DOCK1: variants seen among roughly 807,000 people sequenced by gnomAD.
The protein encoded by DOCK1 is dedicator of cytokinesis protein 1.
Under a neutral mutation model 262.7 loss-of-function variants are expected in DOCK1, and 138 were observed. That is an observed-to-expected ratio of 0.53 (90% CI 0.46 to 0.61). DOCK1 has a LOEUF of 0.61. DOCK1 is among the 20% of genes least tolerant of loss of function. The probability of loss-of-function intolerance (pLI) is 0.00; values close to 1 mark genes in which losing one functional copy is unlikely to be tolerated. For synonymous variants in DOCK1, 866 were observed against 867.4 expected, an observed-to-expected ratio of 1.00 and a Z score of 0.03; for missense variants, 1,908 against 2,370.7, an observed-to-expected ratio of 0.80 and a Z score of 4.05.
chr10:127,392,817 C>A (rs2066566537), intron 38 of DOCK1, among the ~76,000 whole-genome samples: 1 of 152,158 alleles, frequency 6.6e-6, no homozygotes, highest in Non-Finnish European at 1.5e-5. Context: ...TGGGTTTTGT[C>A]AGTGTGCTCC....
At chr10:127,134,641 A>G (rs962176251) in intron 27 of DOCK1, among the ~76,000 whole-genome samples, 1 of 152,108 alleles carries the variant, frequency 6.6e-6, no homozygotes, top group Admixed American at 6.5e-5. Flanking sequence ...CTCAGAAATG[A>G]TTATAGAATG....
At chr10:127,219,343 G>A (rs1472141691) in intron 27 of DOCK1, among the ~76,000 whole-genome samples, 1 of 152,118 alleles carries the variant, frequency 6.6e-6, no homozygotes, top group African/African-American at 2.4e-5. Flanking sequence ...CTATTTCTGA[G>A]TTACTTAGCT....
At chr10:127,006,176 T>G (rs1345989846) in intron 10 of DOCK1, among the ~76,000 whole-genome samples, 1 of 152,176 alleles carries the variant, frequency 6.6e-6, no homozygotes, top group Non-Finnish European at 1.5e-5. Flanking sequence ...GGGGTCCATC[T>G]GCCGTGAGCA....
At chr10:127,029,008 C>T (rs1212694744) in intron 16 of DOCK1, among the ~76,000 whole-genome samples, 2 of 152,216 alleles carry the variant, frequency 1.3e-5, no homozygotes, top group African/African-American at 4.8e-5. Flanking sequence ...TTAACAAGCT[C>T]ATTCTCTCTA....
At chr10:127,166,236 T>G (rs2054072583) in intron 27 of DOCK1, among the ~76,000 whole-genome samples, 1 of 152,098 alleles carries the variant, frequency 6.6e-6, no homozygotes, top group South Asian at 2.1e-4. Flanking sequence ...CAGCTAATTT[T>G]TTTTATTTTT....
intron 23 of DOCK1, among the ~76,000 whole-genome samples, chr10:127,076,574 A>C (rs2046568423): frequency 6.6e-6 from 1 of 152,332 alleles, no homozygotes; most frequent in Admixed American, 6.5e-5. Context: ...TTGGAATTCA[A>C]GGTGAAAGGC....
At chr10:126,940,612 C>T (rs1424725675) in intron 1 of DOCK1, among the ~76,000 whole-genome samples, 3 of 152,102 alleles carry the variant, frequency 2.0e-5, no homozygotes, top group African/African-American at 7.2e-5. Context: ...CCATGTTGGC[C>T]AGGCTAGTCT....
chr10:127,285,784 CCA>C (rs1252930862), intron 29 of DOCK1, among the ~76,000 whole-genome samples: 5 of 152,206 alleles, frequency 3.3e-5, no homozygotes, highest in Non-Finnish European at 7.3e-5. Flanking sequence ...GAGTGTGCTT[CCA>C]CAGTCTAACC....
At chr10:127,102,350 C>G (rs989649176) in intron 23 of DOCK1, among the ~76,000 whole-genome samples, 2 of 152,142 alleles carry the variant, frequency 1.3e-5, no homozygotes, top group African/African-American at 4.8e-5. Flanking sequence ...CCATAGAGCC[C>G]AGCACCTAGA....
intron 48 of DOCK1, 67 bp downstream of exon 48, chr10:127,433,495 C>T: frequency 6.5e-7 from 1 of 1,541,148 alleles, no homozygotes. Context: ...AGGAGCCACC[C>T]AGGGCTCTGG....
chr10:127,309,137 C>T (rs115169773), intron 29 of DOCK1, among the ~76,000 whole-genome samples: 4,381 of 152,210 alleles, frequency 0.029, 204 homozygotes, highest in African/African-American at 0.1. Flanking sequence ...TTCTGACTGG[C>T]GTGAGATGCT....
chr10:127,101,465 G>A (rs771502438), intron 23 of DOCK1, among the ~76,000 whole-genome samples: 1 of 152,144 alleles, frequency 6.6e-6, no homozygotes, highest in Non-Finnish European at 1.5e-5. Context: ...CTCATTTACC[G>A]AAAGACACAA....
At position 127,154,000 on chromosome 10, in the gene DOCK1, A is replaced by C. The variant is rs1258147567; in HGVS notation, c.2847+26236A>C. ...CTTTATAGAGCAGATGCCTCAAATC[A>C]AATGCCTTCCCAATGCCAAGCTCAT... On this transcript the variant is annotated intron_variant, in intron 27 of 51. Coordinates refer to ENST00000623213, the MANE Select transcript of DOCK1 (RefSeq NM_001290223.2). The C allele has an allele frequency of 2.0e-5, 21 of 1,028,506 alleles. 1 individual carries two copies. The highest frequency in any genetic ancestry group is 1.9e-4 in the South Asian group (15 of 77,898). 63.7% of individuals were successfully genotyped at this position (1,028,506 alleles called of 1,614,324 possible).
intron 1 of DOCK1, among the ~76,000 whole-genome samples, chr10:126,924,064 G>A (rs974793591): frequency 6.6e-6 from 1 of 151,050 alleles, no homozygotes; most frequent in Non-Finnish European, 1.5e-5. Context: ...ACCATGTGTA[G>A]AGAGAAACAG....
At position 127,206,136 on chromosome 10, in the gene DOCK1, C is replaced by CTTTTT. The variant is rs34450374; in HGVS notation, c.2848-41851_2848-41847dup. On this transcript the variant is annotated intron_variant, in intron 27 of 51. Transcript: ENST00000623213. The stretch of plus-strand genomic sequence containing the variant: ...GTCATCTACCATATATTCTTCTTCT[C>CTTTTT]TTTTTTTTTTTTTTTTTTTTTTTTT... Among the ~76,000 whole-genome samples the CTTTTT allele has an allele frequency of 5.5e-3, 434 of 78,714 alleles. 3 individuals are homozygous for CTTTTT. The highest frequency in any genetic ancestry group is 6.9e-3 in the South Asian group (11 of 1,596). 51.6% of individuals were successfully genotyped at this position (78,714 alleles called of 152,430 possible). A position where few individuals can be genotyped will look rare whatever the true frequency, so the allele number is the denominator to read the frequency against.
intron 29 of DOCK1, among the ~76,000 whole-genome samples, chr10:127,298,701 C>T (rs774819319): frequency 9.9e-5 from 15 of 152,240 alleles, no homozygotes; most frequent in Non-Finnish European, 5.9e-5. Context: ...CAGTTGATTT[C>T]GCAGGAAACA....
At chr10:127,365,946 C>T (rs1241733675) in intron 33 of DOCK1, among the ~76,000 whole-genome samples, 1 of 152,182 alleles carries the variant, frequency 6.6e-6, no homozygotes, top group East Asian at 1.9e-4. Context: ...TTCCAGAAAA[C>T]CAAATTGTTT....
intron 29 of DOCK1, among the ~76,000 whole-genome samples, chr10:127,273,260 AC>A (rs141928341): frequency 0.016 from 2,468 of 152,056 alleles, 76 homozygotes; most frequent in African/African-American, 0.057. Flanking sequence ...AACCATAAAT[AC>A]CTCCCACTTT....
rs529472016 is a variant in DOCK1 at position 127,346,084 on chromosome 10, C to T, written c.3224+2338C>T. On this transcript the variant is annotated intron_variant, in intron 31 of 51. Transcript: ENST00000623213. ...GCCACCTGCCCAAGTGTCCAGCGCC[C>T]GCTATTGGGTGAAGCTGGGACCCGA... Among the ~76,000 whole-genome samples, 7 of 152,334 alleles carry T rather than the reference C, an allele frequency of 4.6e-5. No individual in the cohort carries two copies. The South Asian group carries it at 1.0e-3, about 23-fold the overall frequency.
Sources: gnomAD v4.1 joint callset for allele counts (sites outside exome capture counted in the v4.1 genomes callset) on GRCh38, gnomAD v4.1.1 for gene constraint, MANE v1.5 for transcripts, NCBI Gene and HGNC (gene_info 2026-07-23, HGNC 2026-07-21) for gene names.